The following PARD3 variants were observed in gnomAD, a reference collection of about 807,000 sequenced individuals.
PARD3 encodes partitioning defective 3 homolog.
A neutral mutation model predicts 155.4 loss-of-function variants in PARD3; 75 were observed. The ratio of observed to expected loss-of-function variants is 0.48; its 90% CI spans 0.40 to 0.58. The LOEUF (loss-of-function observed/expected upper bound fraction) is 0.58, where lower values mean the gene tolerates loss of function less well. Ranked by LOEUF, PARD3 falls within the 20% of genes least tolerant of loss-of-function variation. The pLI is 0.00. For synonymous variants in PARD3, 576 were observed against 610.5 expected (o/e 0.94, Z 0.83); for missense variants, 1,642 against 1,721.7 (o/e 0.95, Z 0.82).
intron 14 of PARD3, among the ~76,000 whole-genome samples, chr10:34,357,654 T>C (rs1839026969): frequency 6.6e-6 from 1 of 152,234 alleles, no homozygotes; most frequent in African/African-American, 2.4e-5. Context: ...AGCATCCTAC[T>C]GTGAGGGATT....
At chr10:34,174,952 G>C (rs775477806) in intron 22 of PARD3, among the ~76,000 whole-genome samples, 60 of 151,950 alleles carry the variant, frequency 3.9e-4, no homozygotes, top group Non-Finnish European at 7.4e-4. Flanking sequence ...ATTAATTTAA[G>C]ATTCATTGTA....
intron 1 of PARD3, among the ~76,000 whole-genome samples, chr10:34,762,469 CT>C (rs72049773): frequency 0.34 from 33,142 of 98,010 alleles, 4,447 homozygotes; most frequent in Non-Finnish European, 0.4. Flanking sequence ...CCATGCCTGA[CT>C]TTTTTTTTTT....
At chr10:34,515,468 T>C (rs577301808) in intron 3 of PARD3, among the ~76,000 whole-genome samples, 27 of 152,302 alleles carry the variant, frequency 1.8e-4, no homozygotes, top group African/African-American at 6.0e-4. Flanking sequence ...TAGAAAGCAA[T>C]TGTAGGAAGT....
chr10:34,518,679 T>C lies in PARD3; in HGVS notation c.223-1520A>G, dbSNP rs557193346. On this transcript the variant is annotated intron_variant, in intron 2 of 24. Transcript: ENST00000374788. ...GAGAATAAACAGCTGTTCCCTGCTGTAGCATTCCAAATAATAAATAGAAGG... is the reference window on the plus strand; with the variant it reads ...GAGAATAAACAGCTGTTCCCTGCTGCAGCATTCCAAATAATAAATAGAAGG... Among the ~76,000 whole-genome samples the C allele has an allele frequency of 1.1e-3, 170 of 152,300 alleles. 2 individuals are homozygous for C. The highest frequency in any genetic ancestry group is 3.3e-3 in the Admixed American group (51 of 15,300).
At chr10:34,190,634 T>A (rs1308445054) in intron 22 of PARD3, among the ~76,000 whole-genome samples, 1 of 152,104 alleles carries the variant, frequency 6.6e-6, no homozygotes, top group Non-Finnish European at 1.5e-5. Context: ...CCCAACACAA[T>A]TTCTGCCCTT....
At chr10:34,677,830 T>A (rs370085588) in intron 2 of PARD3, among the ~76,000 whole-genome samples, 3 of 152,124 alleles carry the variant, frequency 2.0e-5, no homozygotes, top group African/African-American at 7.2e-5. Context: ...ATGGCACTCA[T>A]CCAAAAGTAA....
chr10:34,125,613 G>T (rs1244930962), intron 23 of PARD3, among the ~76,000 whole-genome samples: 1 of 152,232 alleles, frequency 6.6e-6, no homozygotes, highest in Non-Finnish European at 1.5e-5. Flanking sequence ...TGACTGCCTT[G>T]CCAATTAAAG....
intron 22 of PARD3, among the ~76,000 whole-genome samples, chr10:34,169,234 T>A (rs1454532525): frequency 6.6e-6 from 1 of 152,158 alleles, no homozygotes; most frequent in Non-Finnish European, 1.5e-5. Context: ...AGAAAGAAGA[T>A]CTGTACAATC....
At chr10:34,614,532 T>G (rs1370296594) in intron 2 of PARD3, among the ~76,000 whole-genome samples, 3 of 152,346 alleles carry the variant, frequency 2.0e-5, no homozygotes, top group South Asian at 2.1e-4. Context: ...CTTTAAATCA[T>G]GCAGGCATAA....
Position 34,762,420 on chromosome 10 carries a change from C to T in PARD3, c.120+52456G>A, listed in dbSNP as rs556170690. Among the ~76,000 whole-genome samples, 4 of 151,806 alleles carry T rather than the reference C, an allele frequency of 2.6e-5. No homozygotes were observed. The South Asian group carries it at 8.4e-4, about 32-fold the overall frequency. On this transcript the variant is annotated intron_variant, in intron 1 of 24. Transcript: ENST00000374788. Reference sequence around the variant, plus strand: ...GTGATCCTCCCACCTCAGCCTTCCTCCCATCCCAGCCTTCAGCTGGGAACA... The same window carrying T: ...GTGATCCTCCCACCTCAGCCTTCCTTCCATCCCAGCCTTCAGCTGGGAACA...
intron 20 of PARD3, among the ~76,000 whole-genome samples, chr10:34,309,192 T>C (rs964677754): frequency 2.0e-5 from 3 of 151,958 alleles, no homozygotes; most frequent in Non-Finnish European, 4.4e-5. Context: ...GGAGAGTAAG[T>C]AGGGCTAAGA....
chr10:34,782,294 G>A (rs1306610209), intron 1 of PARD3, among the ~76,000 whole-genome samples: 1 of 152,198 alleles, frequency 6.6e-6, no homozygotes, highest in African/African-American at 2.4e-5. Flanking sequence ...TAAGACAGCA[G>A]AGGCAGAATC....
At chr10:34,294,445 T>G (rs1195495095) in intron 20 of PARD3, among the ~76,000 whole-genome samples, 1 of 152,220 alleles carries the variant, frequency 6.6e-6, no homozygotes, top group African/African-American at 2.4e-5. Context: ...CCCAGGCTCT[T>G]TGCATAGCTT....
At chr10:34,587,417 A>T (rs1456363397) in intron 2 of PARD3, among the ~76,000 whole-genome samples, 1 of 152,124 alleles carries the variant, frequency 6.6e-6, no homozygotes, top group Non-Finnish European at 1.5e-5. Context: ...TGAGTTTTAT[A>T]ATCTTGTATT....
At chr10:34,132,563 G>A (rs558801688) in intron 22 of PARD3, among the ~76,000 whole-genome samples, 3 of 152,162 alleles carry the variant, frequency 2.0e-5, no homozygotes, top group African/African-American at 7.2e-5. Context: ...TTTTCGCCAA[G>A]AGTAATAGAG....
At chr10:34,594,911 T>C (rs1454309120) in intron 2 of PARD3, among the ~76,000 whole-genome samples, 1 of 152,188 alleles carries the variant, frequency 6.6e-6, no homozygotes, top group Admixed American at 6.5e-5. Context: ...GTGTGGTACA[T>C]CTTGGCCATG....
At chr10:34,349,577 A>T (rs1231545629) in intron 14 of PARD3, among the ~76,000 whole-genome samples, 1 of 109,110 alleles carries the variant, frequency 9.2e-6, no homozygotes, top group African/African-American at 3.3e-5. Context: ...GACTCTGGGA[A>T]AGTAAAAAAA....
At chr10:34,387,774 C>G (rs1161234366) in intron 7 of PARD3, among the ~76,000 whole-genome samples, 1 of 145,414 alleles carries the variant, frequency 6.9e-6, no homozygotes, top group East Asian at 2.0e-4. Flanking sequence ...TTATATTCAT[C>G]TCATAATTTT....
chr10:34,641,350 G>C (rs757331265), intron 2 of PARD3, among the ~76,000 whole-genome samples: 2 of 152,218 alleles, frequency 1.3e-5, no homozygotes, highest in African/African-American at 2.4e-5. Context: ...AGCTGCCGGG[G>C]AAGCCTGGAG....
Sources: allele counts gnomAD v4.1 joint callset (sites outside exome capture counted in the v4.1 genomes callset), GRCh38; gene constraint gnomAD v4.1.1; transcripts MANE v1.5; gene names NCBI Gene and HGNC (gene_info 2026-07-23, HGNC 2026-07-21).